Variants in CUBN observed in about 807,000 individuals in gnomAD.
CUBN encodes 460 kDa receptor.
A neutral mutation model predicts 405.3 loss-of-function variants in CUBN; 282 were observed. That is an observed-to-expected ratio of 0.70 (90% CI 0.63 to 0.77). The LOEUF (loss-of-function observed/expected upper bound fraction) is 0.77, where lower values mean the gene tolerates loss of function less well. Among genes scored for constraint, CUBN ranks in the 30% least tolerant of loss-of-function variants. The probability of loss-of-function intolerance (pLI) is 0.00; values close to 1 mark genes in which losing one functional copy is unlikely to be tolerated. For synonymous variants in CUBN, 1,684 were observed against 1,617.0 expected (o/e 1.04, Z -0.99); for missense variants, 4,514 against 4,475.2 (o/e 1.01, Z -0.25).
intron 22 of CUBN, among the ~76,000 whole-genome samples, chr10:17,053,462 T>A (rs71493279): frequency 4.0e-4 from 61 of 152,082 alleles, no homozygotes; most frequent in Non-Finnish European, 6.8e-4. Context: ...TCAAGAAGGA[T>A]AATATTATTA....
At chr10:16,986,999 T>G (rs1026401136) in intron 29 of CUBN, among the ~76,000 whole-genome samples, 1 of 152,232 alleles carries the variant, frequency 6.6e-6, no homozygotes, top group African/African-American at 2.4e-5. Context: ...ACTGCCACTT[T>G]GGACATTATT....
chr10:16,947,418 C>T lies in CUBN; in HGVS notation c.5210-51G>A, dbSNP rs376482138. On this transcript the variant is annotated intron_variant, in intron 35 of 66. Transcript: ENST00000377833. ...GTATCAGAGCAAAGACTGCATCAGA[C>T]ACTATAAAATAAAGGAGAAAGAACG... The T allele has an allele frequency of 6.9e-6, 11 of 1,597,794 alleles. No individual in the cohort carries two copies. In the African/African-American group the frequency reaches 1.1e-4, roughly 16 times the overall value.
At chr10:16,903,643 T>C (rs1037421005) in intron 51 of CUBN, among the ~76,000 whole-genome samples, 2 of 147,736 alleles carry the variant, frequency 1.4e-5, no homozygotes, top group East Asian at 3.9e-4. Context: ...TATTAAATAA[T>C]AATTATTATT....
chr10:17,125,540 T>C (rs994450856), intron 4 of CUBN, among the ~76,000 whole-genome samples: 4 of 152,140 alleles, frequency 2.6e-5, no homozygotes, highest in Non-Finnish European at 5.9e-5. Context: ...AACCACAAAC[T>C]CATTCAAAGG....
Position 16,835,095 on chromosome 10 carries a change from G to A in CUBN, c.10281C>T (p.Ala3427=), listed in dbSNP as rs372592269. The A allele has an allele frequency of 1.1e-5, 17 of 1,614,118 alleles. No homozygotes were observed. The African/African-American group carries it at 1.5e-4, about 14-fold the overall frequency. Residue 3427 remains alanine (A), a synonymous_variant, in exon 64 of 67, where the codon GCC becomes GCT. Coordinates refer to ENST00000377833, the MANE Select transcript of CUBN (RefSeq NM_001081.4). ...AGAGGGAAATGGTGTGGTTCTGGGG[G>A]GCTGTGAGAGTAACGGTGCAATCCT... The part of the protein sequence containing the change: ...NDKDCTVTLT[A]PQNHTISLFF...
At chr10:17,003,690 T>C (rs548772536) in intron 28 of CUBN, among the ~76,000 whole-genome samples, 4 of 152,322 alleles carry the variant, frequency 2.6e-5, no homozygotes, top group Admixed American at 2.6e-4. Context: ...TCTAATATTT[T>C]CTGTGCCAGG....
chr10:17,044,563 A>T (rs1328605207), intron 25 of CUBN, among the ~76,000 whole-genome samples: 1 of 152,066 alleles, frequency 6.6e-6, no homozygotes, highest in East Asian at 1.9e-4. Context: ...ATAGTTTATG[A>T]TTCATGACAC....
At chr10:16,892,041 T>C (rs1458199651) in intron 54 of CUBN, among the ~76,000 whole-genome samples, 1 of 152,202 alleles carries the variant, frequency 6.6e-6, no homozygotes, top group Non-Finnish European at 1.5e-5. Flanking sequence ...TTCTCAAGGA[T>C]ATTCCTCACC....
intron 27 of CUBN, among the ~76,000 whole-genome samples, chr10:17,024,139 G>A (rs1353286811): frequency 6.6e-6 from 1 of 152,104 alleles, no homozygotes; most frequent in Non-Finnish European, 1.5e-5. Flanking sequence ...GACTCCAGTT[G>A]CAATAGGAAG....
rs767380836 is a variant in CUBN at position 17,100,281 on chromosome 10, G to A, written c.1531-42C>T. ...CACATATATTATCTTTTACTTCCAT[G>A]TAAATTTTAAAGTATTTCTCCCACT... On this transcript the variant is annotated intron_variant, in intron 13 of 66. Coordinates refer to ENST00000377833, the MANE Select transcript of CUBN (RefSeq NM_001081.4). The A allele has an allele frequency of 4.0e-5, 54 of 1,350,048 alleles. No homozygotes were observed. In the East Asian group the frequency reaches 1.2e-3, roughly 30 times the overall value. 83.6% of individuals were successfully genotyped at this position (1,350,048 alleles called of 1,614,324 possible). A position where few individuals can be genotyped will look rare whatever the true frequency, so the allele number is the denominator to read the frequency against.
intron 31 of CUBN, among the ~76,000 whole-genome samples, chr10:16,959,628 CAA>C (rs537012370): frequency 7.9e-5 from 9 of 114,522 alleles, no homozygotes; most frequent in Admixed American, 9.2e-5. Flanking sequence ...AACTCCGTCT[CAA>C]AAAAAAAAAA....
chr10:16,953,374 G>A (rs1842970219), intron 32 of CUBN, among the ~76,000 whole-genome samples: 2 of 152,154 alleles, frequency 1.3e-5, no homozygotes, highest in Non-Finnish European at 2.9e-5. Context: ...GGGAGACCTC[G>A]ATCCAGGCAC....
At chr10:16,830,794 T>C (rs184770138) in intron 65 of CUBN, among the ~76,000 whole-genome samples, 31 of 152,268 alleles carry the variant, frequency 2.0e-4, no homozygotes, top group Non-Finnish European at 3.5e-4. Context: ...AATGAATAAA[T>C]GTAAAATTTA....
At chr10:17,020,972 C>T (rs546788382) in intron 27 of CUBN, among the ~76,000 whole-genome samples, 2 of 152,120 alleles carry the variant, frequency 1.3e-5, no homozygotes, top group Non-Finnish European at 2.9e-5. Context: ...ACCTATCCTC[C>T]CACAAGCAGT....
intron 6 of CUBN, among the ~76,000 whole-genome samples, chr10:17,119,364 A>G (rs1250643976): frequency 6.6e-6 from 1 of 152,098 alleles, no homozygotes; most frequent in Non-Finnish European, 1.5e-5. Flanking sequence ...CTTAAATCCA[A>G]AGTAAGCAGG....
In CUBN at chr10:17,031,031, C is replaced by T. The variant is rs990329525; in HGVS notation, c.4017+10002G>A. Among the ~76,000 whole-genome samples, 7 of 152,064 alleles carry T rather than the reference C, an allele frequency of 4.6e-5. No homozygotes were observed. In the South Asian group the frequency reaches 6.2e-4, roughly 14 times the overall value. ...AATTTTTAAAATGATAGGGACAATACGAACACTCCTGTTAGTCACTGAAAT... is the reference window on the plus strand; with the variant it reads ...AATTTTTAAAATGATAGGGACAATATGAACACTCCTGTTAGTCACTGAAAT... On this transcript the variant is annotated intron_variant, in intron 27 of 66. Coordinates refer to ENST00000377833, the MANE Select transcript of CUBN (RefSeq NM_001081.4).
At chr10:17,051,228 G>C (rs1450740962) in intron 22 of CUBN, among the ~76,000 whole-genome samples, 2 of 152,000 alleles carry the variant, frequency 1.3e-5, no homozygotes, top group African/African-American at 2.4e-5. Context: ...GGGTGTGGTG[G>C]TGGGCGCCTG....
At chr10:17,118,122 A>C (rs1170355587) in intron 6 of CUBN, among the ~76,000 whole-genome samples, 1 of 152,214 alleles carries the variant, frequency 6.6e-6, no homozygotes, top group East Asian at 1.9e-4. Flanking sequence ...ATGAGTAGGC[A>C]TTAATCCTAT....
chr10:16,893,605 T>C (rs34260311), intron 54 of CUBN, among the ~76,000 whole-genome samples: 2,961 of 152,296 alleles, frequency 0.019, 42 homozygotes, highest in Non-Finnish European at 0.03. Flanking sequence ...AAATATTATA[T>C]AAATGGAACA....
Sources: allele counts gnomAD v4.1 joint callset (sites outside exome capture counted in the v4.1 genomes callset), GRCh38; gene constraint gnomAD v4.1.1; transcripts MANE v1.5; gene names NCBI Gene and HGNC (gene_info 2026-07-23, HGNC 2026-07-21).